Variants in MDGA2 observed in about 807,000 individuals in gnomAD.
The protein encoded by MDGA2 is MAM domain-containing glycosylphosphatidylinositol anchor protein 2.
MDGA2 carries 40 observed loss-of-function variants against 117.8 expected under a neutral mutation model. The ratio of observed to expected loss-of-function variants is 0.34; its 90% CI spans 0.26 to 0.44. The LOEUF (loss-of-function observed/expected upper bound fraction) is 0.44. Among genes scored for constraint, MDGA2 ranks in the 20% least tolerant of loss-of-function variants. MDGA2 has a pLI of 1.00. For synonymous variants in MDGA2, 452 were observed against 439.0 expected, an observed-to-expected ratio of 1.03 and a Z score of -0.37; for missense variants, 1,123 against 1,250.6, an observed-to-expected ratio of 0.90 and a Z score of 1.54.
intron 8 of MDGA2, among the ~76,000 whole-genome samples, chr14:47,019,986 G>T (rs554721215): frequency 6.6e-6 from 1 of 152,214 alleles, no homozygotes; most frequent in Non-Finnish European, 1.5e-5. Flanking sequence ...CAGCGTAATT[G>T]GATGAATGCA....
intron 3 of MDGA2, among the ~76,000 whole-genome samples, chr14:47,199,207 A>G (rs1326386080): frequency 6.6e-6 from 1 of 151,920 alleles, no homozygotes; most frequent in African/African-American, 2.4e-5. Context: ...CTCTCTCTAT[A>G]CATATATATG....
intron 1 of MDGA2, among the ~76,000 whole-genome samples, chr14:47,641,243 C>G (rs898149061): frequency 2.6e-5 from 4 of 152,044 alleles, no homozygotes; most frequent in Non-Finnish European, 5.9e-5. Context: ...AGCTTGATTC[C>G]TAAATGACCA....
At chr14:46,944,716 A>G (rs1020924535) in intron 9 of MDGA2, among the ~76,000 whole-genome samples, 4 of 151,724 alleles carry the variant, frequency 2.6e-5, no homozygotes, top group African/African-American at 9.7e-5. Context: ...TTTCCAATAT[A>G]CTATTAAGCC....
At chr14:47,365,684 A>G (rs2138379810) in intron 1 of MDGA2, among the ~76,000 whole-genome samples, 1 of 152,348 alleles carries the variant, frequency 6.6e-6, no homozygotes, top group Non-Finnish European at 1.5e-5. Flanking sequence ...GTTTCCAAGT[A>G]AAGGTGTGGC....
At chr14:47,096,575 A>C (rs1166031942) in intron 6 of MDGA2, among the ~76,000 whole-genome samples, 1 of 151,960 alleles carries the variant, frequency 6.6e-6, no homozygotes, top group Admixed American at 6.6e-5. Context: ...TTTTTCTTTC[A>C]ATCTTTTTTT....
intron 8 of MDGA2, among the ~76,000 whole-genome samples, chr14:46,967,721 G>T (rs1309238896): frequency 6.6e-6 from 1 of 152,138 alleles, no homozygotes; most frequent in African/African-American, 2.4e-5. Context: ...GCAAATGACA[G>T]AACTTGCAGA....
At chr14:47,561,676 G>T (rs1320553646) in intron 1 of MDGA2, among the ~76,000 whole-genome samples, 2 of 152,106 alleles carry the variant, frequency 1.3e-5, no homozygotes, top group East Asian at 3.9e-4. Context: ...CTGCAAACAG[G>T]AATAGTTTGA....
chr14:47,512,974 T>G (rs1467981776), intron 1 of MDGA2, among the ~76,000 whole-genome samples: 1 of 151,884 alleles, frequency 6.6e-6, no homozygotes, highest in East Asian at 1.9e-4. Context: ...ATTCACAAAG[T>G]TAGTTATTGT....
rs1441981304 is a variant in MDGA2 at position 47,642,307 on chromosome 14, AG to A, written c.280+32209del. ...CTGAATCAGTATTCCCAAGGCACTT[AG>A]AAAAGGGCGTGATATATAAATCAGC... is the stretch of plus-strand genomic sequence containing the variant. On this transcript the variant is annotated intron_variant, in intron 1 of 16. Coordinates refer to ENST00000399232, the MANE Select transcript of MDGA2 (RefSeq NM_001113498.3). 5.3e-5 allele frequency among the ~76,000 whole-genome samples: 8 copies of A among 152,232 alleles called. No homozygotes were observed. The East Asian group carries it at 1.2e-3, about 22-fold the overall frequency.
At chr14:47,215,841 C>T (rs929927290) in intron 3 of MDGA2, among the ~76,000 whole-genome samples, 1 of 152,066 alleles carries the variant, frequency 6.6e-6, no homozygotes, top group African/African-American at 2.4e-5. Context: ...AGTACTTCAA[C>T]ATGGTATGCA....
At chr14:47,555,639 C>G (rs1293529780) in intron 1 of MDGA2, among the ~76,000 whole-genome samples, 1 of 151,940 alleles carries the variant, frequency 6.6e-6, no homozygotes, top group Non-Finnish European at 1.5e-5. Flanking sequence ...AGACATTTTC[C>G]CAGAAAAATG....
chr14:47,035,323 A>T lies in MDGA2; in HGVS notation c.1526-19T>A, dbSNP rs758722035. On this transcript the variant is annotated intron_variant, in intron 7 of 16. Transcript: ENST00000399232. The stretch of plus-strand genomic sequence containing the variant: ...GGTGGAACTTGAAATGGGAAAAAGA[A>T]AATTTTTCAAGGTTAGTATAAACTG... 6.3e-7 allele frequency: 1 copy of T among 1,593,298 alleles called. No individual in the cohort carries two copies. The highest frequency in any genetic ancestry group is 8.5e-7 in the Non-Finnish European group (1 of 1,169,880).
Position 47,405,168 on chromosome 14 carries a change from C to T in MDGA2, c.281-103618G>A, listed in dbSNP as rs192622739. ...TAATAACAAGAATGGCTCTATGCGGCTTTATCAAAAGTACAAAGTAATTAA... is the reference window on the plus strand; with the variant it reads ...TAATAACAAGAATGGCTCTATGCGGTTTTATCAAAAGTACAAAGTAATTAA... On this transcript the variant is annotated intron_variant, in intron 1 of 16. Transcript: ENST00000399232. Among the ~76,000 whole-genome samples, 10 of 152,258 alleles carry T rather than the reference C, an allele frequency of 6.6e-5. No individual in the cohort carries two copies. The East Asian group carries it at 1.7e-3, about 26-fold the overall frequency.
At chr14:47,459,045 T>G (rs1053020465) in intron 1 of MDGA2, among the ~76,000 whole-genome samples, 1 of 151,696 alleles carries the variant, frequency 6.6e-6, no homozygotes, top group African/African-American at 2.4e-5. Flanking sequence ...CTATAATTCT[T>G]TGACCAGAAA....
Position 47,099,564 on chromosome 14 carries a change from T to TA in MDGA2, c.926-2442dup, listed in dbSNP as rs1880180056. On this transcript the variant is annotated intron_variant, in intron 5 of 16. Transcript: ENST00000399232. Reference sequence around the variant, plus strand: ...CCAGTTTTTTCTTCATATTACCTTGTATATTAGCCAGGCTACCAATATGAC... The same window carrying TA: ...CCAGTTTTTTCTTCATATTACCTTGTAATATTAGCCAGGCTACCAATATGAC... Among the ~76,000 whole-genome samples the TA allele has an allele frequency of 1.3e-5, 2 of 152,004 alleles. 1 individual carries two copies. Among genetic ancestry groups the TA allele is most frequent in the South Asian group, 4.1e-4 (2 of 4,836 alleles).
At chr14:47,527,689 G>C (rs1895001325) in intron 1 of MDGA2, among the ~76,000 whole-genome samples, 1 of 152,164 alleles carries the variant, frequency 6.6e-6, no homozygotes, top group Admixed American at 6.5e-5. Context: ...AATGCAGCAA[G>C]AATTTCTTAG....
chr14:46,882,220 G>T lies in MDGA2; in HGVS notation c.2240C>A (p.Ala747Asp). 1 of 1,604,962 alleles carries T rather than the reference G, an allele frequency of 6.2e-7. No individual in the cohort carries two copies. Among genetic ancestry groups the T allele is most frequent in the Non-Finnish European group, 8.5e-7 (1 of 1,175,530 alleles). The part of the protein sequence containing the change: ...IVAYRLGIRQ[A>D]GQQRWWEQEI... ...CTGCTCCCACCAGCGCTGCTGTCCA[G>T]CCTGAAATCAAAACAATAATAGAAT... Residue 747 changes from alanine to aspartate, a missense_variant and splice_region_variant, in exon 11 of 17, where the codon GCT (alanine) becomes GAT (aspartate). By Grantham distance (126) the Ala-to-Asp change is moderately radical. Around this residue, in one of 2 missense-constraint regions of MDGA2, gnomAD observed 890 missense variants for 1,050.3 expected, o/e 0.85. Transcript: ENST00000399232.
chr14:47,507,658 AT>A (rs1248963955), intron 1 of MDGA2, among the ~76,000 whole-genome samples: 2 of 152,190 alleles, frequency 1.3e-5, no homozygotes, highest in Non-Finnish European at 2.9e-5. Flanking sequence ...CCCTAGTGAT[AT>A]AGGTAATGCA....
intron 1 of MDGA2, among the ~76,000 whole-genome samples, chr14:47,666,243 T>C (rs1326989112): frequency 1.4e-5 from 2 of 145,786 alleles, no homozygotes; most frequent in East Asian, 1.9e-4. Flanking sequence ...AATACACCAA[T>C]TGGCACTCTG....
Sources: allele counts gnomAD v4.1 joint callset (sites outside exome capture counted in the v4.1 genomes callset), GRCh38; gene constraint gnomAD v4.1.1; regional missense constraint gnomAD v4.1.1; transcripts MANE v1.5; gene names NCBI Gene and HGNC (gene_info 2026-07-23, HGNC 2026-07-21).